The following ABI1 variants were observed in gnomAD, a reference collection of about 807,000 sequenced individuals.
ABI1 encodes the protein abl interactor 1, also known as Abelson interactor 1.
ABI1 carries 14 observed loss-of-function variants against 54.6 expected under a neutral mutation model. The observed-to-expected ratio is 0.26, with a 90% CI of 0.17 to 0.40. ABI1 has a LOEUF of 0.40. ABI1 is among the 10% of genes least tolerant of loss of function. The probability of loss-of-function intolerance (pLI) is 1.00; values close to 1 mark genes in which losing one functional copy is unlikely to be tolerated. For missense variants in ABI1, 443 were observed against 598.3 expected (o/e 0.74, Z 2.71); for synonymous variants, 194 against 209.3 (o/e 0.93, Z 0.63).
intron 2 of ABI1, among the ~76,000 whole-genome samples, chr10:26,785,616 C>T (rs769084572): frequency 2.6e-5 from 4 of 151,556 alleles, no homozygotes; most frequent in African/African-American, 9.7e-5. Context: ...CAGTTACTTG[C>T]GGGGGTGCTG....
At chr10:26,760,901 A>G (rs1263510182) in intron 7 of ABI1, among the ~76,000 whole-genome samples, 9 of 148,694 alleles carry the variant, frequency 6.1e-5, no homozygotes, top group African/African-American at 2.3e-4. Context: ...AAAAAAAAAA[A>G]AAAAAAAAAA....
chr10:26,834,444 C>T (rs718828), intron 1 of ABI1, among the ~76,000 whole-genome samples: 39,681 of 151,488 alleles, frequency 0.26, 5,992 homozygotes, highest in South Asian at 0.44. Context: ...ACAGGACCAA[C>T]AACCAGAATA....
intron 1 of ABI1, among the ~76,000 whole-genome samples, chr10:26,830,345 G>C (rs1452166088): frequency 6.6e-6 from 1 of 152,072 alleles, no homozygotes; most frequent in Non-Finnish European, 1.5e-5. Context: ...CTACCAGTTG[G>C]GCATGGGGGC....
At chr10:26,812,864 G>T (rs867511432) in intron 2 of ABI1, among the ~76,000 whole-genome samples, 1 of 152,106 alleles carries the variant, frequency 6.6e-6, no homozygotes, top group South Asian at 2.1e-4. Flanking sequence ...TGAGGGACTG[G>T]GAGTTATGAC....
At chr10:26,753,192 C>T (rs1837852490) in intron 9 of ABI1, among the ~76,000 whole-genome samples, 1 of 152,116 alleles carries the variant, frequency 6.6e-6, no homozygotes, top group East Asian at 1.9e-4. Flanking sequence ...TATTAGAAAA[C>T]AAACCCTATA....
intron 2 of ABI1, among the ~76,000 whole-genome samples, chr10:26,788,226 C>T (rs2133127086): frequency 1.3e-5 from 2 of 152,232 alleles, no homozygotes; most frequent in East Asian, 3.9e-4. Flanking sequence ...ATTTTGCCTC[C>T]CGGCATGATT....
chr10:26,793,046 C>G (rs1843674993), intron 2 of ABI1, among the ~76,000 whole-genome samples: 1 of 152,184 alleles, frequency 6.6e-6, no homozygotes. Flanking sequence ...CTATCATCCT[C>G]ACAACTGCCA....
intron 10 of ABI1, among the ~76,000 whole-genome samples, chr10:26,750,345 T>A (rs1837458041): frequency 6.6e-6 from 1 of 152,104 alleles, no homozygotes; most frequent in Non-Finnish European, 1.5e-5. Flanking sequence ...AATACAAAAG[T>A]TAGCTGGGCG....
intron 1 of ABI1, among the ~76,000 whole-genome samples, chr10:26,840,360 AAGC>A (rs1481545967): frequency 6.6e-6 from 1 of 152,192 alleles, no homozygotes; most frequent in Non-Finnish European, 1.5e-5. Context: ...CACTCATCAG[AAGC>A]AGATGTTGGC....
At chr10:26,853,017 T>C (rs986968303) in intron 1 of ABI1, among the ~76,000 whole-genome samples, 2 of 152,146 alleles carry the variant, frequency 1.3e-5, no homozygotes, top group African/African-American at 4.8e-5. Flanking sequence ...TGGAGAAAAT[T>C]AGTAGATCCA....
intron 1 of ABI1, among the ~76,000 whole-genome samples, chr10:26,828,295 A>G (rs1391958660): frequency 6.6e-6 from 1 of 152,256 alleles, no homozygotes; most frequent in African/African-American, 2.4e-5. Flanking sequence ...GATTACAGTA[A>G]TAACATCGAA....
Position 26,839,973 on chromosome 10 carries a change from T to C in ABI1, c.118-16668A>G, listed in dbSNP as rs908772614. ...CGACTGCACTCCAGCCGGGGTGACA[T>C]AGAGAGATCCTGTATCAAAAAAAAC... On this transcript the variant is annotated intron_variant, in intron 1 of 10. Transcript: ENST00000376140. Among the ~76,000 whole-genome samples the C allele has an allele frequency of 3.9e-5, 6 of 151,906 alleles. No individual in the cohort carries two copies. In the East Asian group the frequency reaches 7.7e-4, roughly 20 times the overall value.
chr10:26,817,513 C>T (rs979181242), intron 2 of ABI1, among the ~76,000 whole-genome samples: 4 of 152,096 alleles, frequency 2.6e-5, no homozygotes, highest in African/African-American at 9.7e-5. Flanking sequence ...GGCACATGTC[C>T]GTAGTCCCAG....
Position 26,747,128 on chromosome 10 carries a change from C to T in ABI1, c.*1442G>A, listed in dbSNP as rs1837030227. ...TCAGAAATAACTGTTTTGCACTAGT[C>T]TTACCATTCACTATGCTGTTATAAG... On this transcript the variant is annotated 3_prime_UTR_variant, in exon 11 of 11. Transcript: ENST00000376140. 7 of 227,946 alleles carry T rather than the reference C, an allele frequency of 3.1e-5. 1 individual carries two copies. The Admixed American group carries it at 3.8e-4, about 12-fold the overall frequency. The allele number at this position is 227,946 out of a possible 1,614,324, so 14.1% of individuals were successfully genotyped here.
intron 1 of ABI1, among the ~76,000 whole-genome samples, chr10:26,844,939 T>C (rs970774120): frequency 6.6e-6 from 1 of 152,142 alleles, no homozygotes. Context: ...ATCCAGTCTC[T>C]CCCTTCTCCA....
chr10:26,759,267 CAA>C, intron 7 of ABI1, 29 bp from the exon 8 acceptor site: 1 of 1,606,820 alleles, frequency 6.2e-7, no homozygotes, highest in Non-Finnish European at 8.5e-7. Flanking sequence ...AGGCAACCAA[CAA>C]AGAGACTTGA....
chr10:26,809,210 C>T (rs780321902), intron 2 of ABI1, among the ~76,000 whole-genome samples: 18 of 149,298 alleles, frequency 1.2e-4, no homozygotes, highest in African/African-American at 4.0e-4. Context: ...GCGGAGGTTG[C>T]AGTGAGCCGA....
chr10:26,824,451 G>A (rs1280787112), intron 1 of ABI1, among the ~76,000 whole-genome samples: 1 of 152,128 alleles, frequency 6.6e-6, no homozygotes, highest in Non-Finnish European at 1.5e-5. Context: ...TATAATAGCA[G>A]AAGACTGGAA....
intron 2 of ABI1, among the ~76,000 whole-genome samples, chr10:26,777,564 T>G (rs1564485649): frequency 6.6e-6 from 1 of 151,826 alleles, no homozygotes; most frequent in Non-Finnish European, 1.5e-5. Context: ...ATTGCTTGAG[T>G]TCAGGAGTTC....
Sources: gnomAD v4.1 joint callset for allele counts (sites outside exome capture counted in the v4.1 genomes callset) on GRCh38, gnomAD v4.1.1 for gene constraint, MANE v1.5 for transcripts, NCBI Gene and HGNC (gene_info 2026-07-23, HGNC 2026-07-21) for gene names.